Variants in LPCAT2 observed in about 807,000 individuals in gnomAD.
The protein encoded by LPCAT2 is lysophosphatidylcholine acyltransferase 2.
A neutral mutation model predicts 64.7 loss-of-function variants in LPCAT2; 58 were observed. The observed-to-expected ratio is 0.90, with a 90% confidence interval of 0.73 to 1.12. The LOEUF is 1.12. LPCAT2 is among the 50% of genes most tolerant of loss of function. LPCAT2 has a pLI of 0.00. For synonymous variants in LPCAT2, 252 were observed against 245.3 expected, an observed-to-expected ratio of 1.03 and a Z score of -0.26; for missense variants, 579 against 669.8, an observed-to-expected ratio of 0.86 and a Z score of 1.50.
intron 11 of LPCAT2, among the ~76,000 whole-genome samples, chr16:55,573,835 ATC>A (rs570533394): frequency 6.7e-6 from 1 of 149,754 alleles, no homozygotes; most frequent in Non-Finnish European, 1.5e-5. Context: ...TTTCTACCTT[ATC>A]TCTCTCTCTC....
At chr16:55,546,915 G>A (rs557146636) in intron 9 of LPCAT2, among the ~76,000 whole-genome samples, 232 of 152,188 alleles carry the variant, frequency 1.5e-3, no homozygotes, top group Non-Finnish European at 2.5e-3. Flanking sequence ...TTGGGAGGCC[G>A]AGGTGGGTGG....
intron 7 of LPCAT2, among the ~76,000 whole-genome samples, chr16:55,535,907 G>C (rs1451111940): frequency 6.6e-6 from 1 of 152,044 alleles, no homozygotes; most frequent in African/African-American, 2.4e-5. Flanking sequence ...ATAATAGACG[G>C]GTTTAGTTAA....
intron 1 of LPCAT2, among the ~76,000 whole-genome samples, chr16:55,521,800 T>C (rs776884283): frequency 6.6e-6 from 1 of 151,558 alleles, no homozygotes; most frequent in Non-Finnish European, 1.5e-5. Flanking sequence ...CAATACCCAC[T>C]AGTGATAAAA....
In LPCAT2 at chr16:55,509,152, C is replaced by G; in HGVS notation, c.-30C>G. On this transcript the variant is annotated 5_prime_UTR_variant, in exon 1 of 14. Transcript: ENST00000262134. Reference sequence around the variant, plus strand: ...TTGGCTGCAGCGCCCGCGTAGATCGCTTCGGCCGGGTTCTACGCCCGGCTC... The same window carrying G: ...TTGGCTGCAGCGCCCGCGTAGATCGGTTCGGCCGGGTTCTACGCCCGGCTC... 2 of 1,310,948 alleles carry G rather than the reference C, an allele frequency of 1.5e-6. No individual in the cohort carries two copies. Among genetic ancestry groups the G allele is most frequent in the Non-Finnish European group, 1.9e-6 (2 of 1,025,934 alleles). 81.2% of individuals were successfully genotyped at this position (1,310,948 alleles called of 1,614,324 possible). A position where few individuals can be genotyped will look rare whatever the true frequency, so the allele number is the denominator to read the frequency against.
intron 8 of LPCAT2, chr16:55,540,681 A>G (rs1243303044): frequency 6.2e-6 from 1 of 160,270 alleles, no homozygotes; most frequent in Non-Finnish European, 1.4e-5. Context: ...TATATTATAG[A>G]TAAATAAAAA....
Position 55,583,200 on chromosome 16 carries a change from GA to G in LPCAT2, c.*105del. 6 of 895,412 alleles carry G rather than the reference GA, an allele frequency of 6.7e-6. No homozygotes were observed. Among genetic ancestry groups the G allele is most frequent in the Non-Finnish European group, 9.6e-6 (6 of 623,574 alleles). 55.5% of individuals were successfully genotyped at this position (895,412 alleles called of 1,614,324 possible). A position where few individuals can be genotyped will look rare whatever the true frequency, so the allele number is the denominator to read the frequency against. On this transcript the variant is annotated 3_prime_UTR_variant, in exon 14 of 14. Transcript: ENST00000262134. ...TGTGTTGGTAATGATGTTTAAAATT[GA>G]AAGATTTTTAAAACAAAAATGATAG...
chr16:55,552,316 A>G (rs1963526647), intron 11 of LPCAT2, among the ~76,000 whole-genome samples: 1 of 152,180 alleles, frequency 6.6e-6, no homozygotes, highest in African/African-American at 2.4e-5. Flanking sequence ...AATTGTATAG[A>G]TGTACCATAG....
intron 11 of LPCAT2, among the ~76,000 whole-genome samples, chr16:55,553,558 A>G (rs1425372656): frequency 1.3e-5 from 2 of 152,148 alleles, no homozygotes; most frequent in African/African-American, 4.8e-5. Context: ...TGCTATTTCC[A>G]CATCTGCATT....
At chr16:55,552,271 A>G (rs574259774) in intron 11 of LPCAT2, among the ~76,000 whole-genome samples, 6 of 152,330 alleles carry the variant, frequency 3.9e-5, no homozygotes, top group African/African-American at 1.4e-4. Flanking sequence ...TTTATAGATC[A>G]ATAATTAATT....
chr16:55,533,945 A>T (rs1963290492), intron 6 of LPCAT2, among the ~76,000 whole-genome samples: 1 of 152,174 alleles, frequency 6.6e-6, no homozygotes. Flanking sequence ...TGATCAAATC[A>T]GTTTTCTATT....
chr16:55,581,079 CAT>C (rs1417594717), intron 13 of LPCAT2, among the ~76,000 whole-genome samples: 11 of 152,192 alleles, frequency 7.2e-5, no homozygotes, highest in East Asian at 3.9e-4. Flanking sequence ...TCAAATTCCA[CAT>C]AGAGTCAATC....
At chr16:55,580,978 C>CT (rs1358716420) in intron 13 of LPCAT2, among the ~76,000 whole-genome samples, 1 of 152,178 alleles carries the variant, frequency 6.6e-6, no homozygotes, top group Non-Finnish European at 1.5e-5. Context: ...GAAAAATTGT[C>CT]TTCCATGAAA....
At position 55,566,584 on chromosome 16, in the gene LPCAT2, A is replaced by G. The variant is rs1596882819; in HGVS notation, c.1216-8047A>G. 2.3e-5 allele frequency: 15 copies of G among 660,272 alleles called. No individual in the cohort carries two copies. In the South Asian group the frequency reaches 3.0e-4, roughly 13 times the overall value. The allele number at this position is 660,272 out of a possible 1,614,324, so 40.9% of individuals were successfully genotyped here. On this transcript the variant is annotated intron_variant, in intron 11 of 13. Coordinates refer to ENST00000262134, the MANE Select transcript of LPCAT2 (RefSeq NM_017839.5). ...AAAATATGGCAGGTGCTAGGACCTCATGGAACTCAGGTATCTTCAGTAGGA... is the reference window on the plus strand; with the variant it reads ...AAAATATGGCAGGTGCTAGGACCTCGTGGAACTCAGGTATCTTCAGTAGGA...
At chr16:55,566,216 T>A (rs552340437) in intron 11 of LPCAT2, among the ~76,000 whole-genome samples, 1 of 152,350 alleles carries the variant, frequency 6.6e-6, no homozygotes, top group East Asian at 1.9e-4. Flanking sequence ...CCTTGCATTT[T>A]AAAAATCTCC....
rs576901537 is a variant in LPCAT2, at chr16:55,525,495, C to T, written c.172-13C>T. ...ATGTCCATTCATTTATTTTTACCAA[C>T]TTTGACTTTCAGATTGTCCTTCTTG... On this transcript the variant is annotated splice_polypyrimidine_tract_variant and intron_variant, in intron 1 of 13. Transcript: ENST00000262134. 2 of 1,598,112 alleles carry T rather than the reference C, an allele frequency of 1.3e-6. No homozygotes were observed. The highest frequency in any genetic ancestry group is 4.5e-5 in the East Asian group (2 of 44,472).
At chr16:55,578,702 A>T (rs75330616) in intron 12 of LPCAT2, among the ~76,000 whole-genome samples, 7,489 of 152,270 alleles carry the variant, frequency 0.049, 414 homozygotes, top group African/African-American at 0.13. Context: ...TATACCCACC[A>T]TGATCTAATT....
intron 11 of LPCAT2, chr16:55,567,780 T>C (rs1172528004): frequency 1.3e-5 from 4 of 307,176 alleles, no homozygotes; most frequent in Non-Finnish European, 2.5e-5. Context: ...AGAGTTCTAA[T>C]GGAGTAGATT....
intron 11 of LPCAT2, among the ~76,000 whole-genome samples, chr16:55,553,058 G>A (rs1479897499): frequency 4.6e-5 from 4 of 87,640 alleles, no homozygotes; most frequent in Non-Finnish European, 1.0e-4. Context: ...AGTTGAACAG[G>A]TGAAACCCTG....
At chr16:55,543,171 G>A (rs1248342809) in intron 8 of LPCAT2, among the ~76,000 whole-genome samples, 1 of 152,110 alleles carries the variant, frequency 6.6e-6, no homozygotes, top group Non-Finnish European at 1.5e-5. Context: ...CTTCTTAGGA[G>A]GAATGGGGCC....
Sources: allele counts gnomAD v4.1 joint callset (sites outside exome capture counted in the v4.1 genomes callset), GRCh38; gene constraint gnomAD v4.1.1; transcripts MANE v1.5; gene names NCBI Gene and HGNC (gene_info 2026-07-23, HGNC 2026-07-21).